CCDC3: variants seen among roughly 807,000 people sequenced by gnomAD.
CCDC3 encodes the protein coiled-coil domain containing 3.
CCDC3 carries 24 observed loss-of-function variants against 21.4 expected under a neutral mutation model. The ratio of observed to expected loss-of-function variants is 1.12; its 90% CI spans 0.81 to 1.58. The LOEUF is 1.58. Ranked by LOEUF, CCDC3 falls within the 40% of genes most tolerant of loss-of-function variation. CCDC3 has a pLI of 0.00. For missense variants in CCDC3, 425 were observed against 360.9 expected (o/e 1.18, Z -1.44); for synonymous variants, 186 against 166.0 (o/e 1.12, Z -0.93).
Position 13,000,888 on chromosome 10 carries a change from T to C in CCDC3, c.374+309A>G, listed in dbSNP as rs978263461. The stretch of plus-strand genomic sequence containing the variant: ...CCCAATCTACTCCCACTGAGGCCAG[T>C]TTAAAAACCCAAGTCAAAGGGACTG... On this transcript the variant is annotated intron_variant, in intron 1 of 2. Transcript: ENST00000378825. 3.3e-5 allele frequency among the ~76,000 whole-genome samples: 5 copies of C among 152,118 alleles called. No individual in the cohort carries two copies. The East Asian group carries it at 5.8e-4, about 18-fold the overall frequency.
At chr10:13,047,691 G>A (rs753382581) in intron 5 of CCDC3, among the ~76,000 whole-genome samples, 2 of 152,090 alleles carry the variant, frequency 1.3e-5, no homozygotes, top group Non-Finnish European at 2.9e-5. Context: ...ATCTCCATCC[G>A]TGCCCTCCCT....
intron 2 of CCDC3, among the ~76,000 whole-genome samples, chr10:12,987,481 A>G (rs1227201103): frequency 6.6e-6 from 1 of 152,128 alleles, no homozygotes; most frequent in East Asian, 1.9e-4. Context: ...ATATGGATAA[A>G]CCACAGTAGG....
At chr10:13,096,806 T>C (rs1370462832) in intron 3 of CCDC3, among the ~76,000 whole-genome samples, 1 of 152,168 alleles carries the variant, frequency 6.6e-6, no homozygotes, top group South Asian at 2.1e-4. Context: ...GCTTGAGTCC[T>C]TGATGCTCAT....
At chr10:13,042,184 G>A (rs1836466207) in intron 5 of CCDC3, among the ~76,000 whole-genome samples, 1 of 152,246 alleles carries the variant, frequency 6.6e-6, no homozygotes. Context: ...AATCCTCTGA[G>A]CTCCAATTTC....
chr10:12,908,636 G>A (rs1217643979), intron 2 of CCDC3, among the ~76,000 whole-genome samples: 1 of 143,938 alleles, frequency 6.9e-6, no homozygotes, highest in Non-Finnish European at 1.5e-5. Context: ...TTGAGACAGA[G>A]TTTCCCTCTG....
intron 5 of CCDC3, among the ~76,000 whole-genome samples, chr10:13,011,458 T>C (rs1835983228): frequency 1.3e-5 from 2 of 151,878 alleles, no homozygotes; most frequent in South Asian, 2.1e-4. Context: ...AAGAATACAA[T>C]ACCTAGGAAT....
chr10:12,944,530 C>T (rs1373830466), intron 2 of CCDC3, among the ~76,000 whole-genome samples: 3 of 152,150 alleles, frequency 2.0e-5, no homozygotes, highest in African/African-American at 7.2e-5. Context: ...TATGTCTTTG[C>T]CTGCAATGTC....
intron 2 of CCDC3, among the ~76,000 whole-genome samples, chr10:12,976,600 G>T (rs181812503): frequency 1.4e-3 from 216 of 152,312 alleles, no homozygotes; most frequent in African/African-American, 3.8e-3. Flanking sequence ...TTCACACACG[G>T]TATCGTTACA....
chr10:12,908,647 T>A (rs545257300), intron 2 of CCDC3, among the ~76,000 whole-genome samples: 1 of 150,552 alleles, frequency 6.6e-6, no homozygotes, highest in African/African-American at 2.5e-5. Context: ...TTTCCCTCTG[T>A]TGCCTATGCT....
chr10:13,035,129 G>A (rs948173706), intron 5 of CCDC3, among the ~76,000 whole-genome samples: 5 of 152,076 alleles, frequency 3.3e-5, no homozygotes, highest in Non-Finnish European at 7.3e-5. Flanking sequence ...GGATACCCAG[G>A]TAGAGAACAC....
chr10:13,079,347 A>C (rs1281105878), intron 3 of CCDC3, among the ~76,000 whole-genome samples: 1 of 152,210 alleles, frequency 6.6e-6, no homozygotes, highest in Non-Finnish European at 1.5e-5. Flanking sequence ...GCAACGCAGA[A>C]GGAAACTGGC....
At chr10:13,091,892 T>C (rs927302913) in intron 3 of CCDC3, among the ~76,000 whole-genome samples, 8 of 151,098 alleles carry the variant, frequency 5.3e-5, no homozygotes, top group Admixed American at 2.6e-4. Context: ...AAGGTTTTTA[T>C]TGCAGAATTA....
At chr10:13,078,726 T>C (rs184282223) in intron 3 of CCDC3, among the ~76,000 whole-genome samples, 3,143 of 152,216 alleles carry the variant, frequency 0.021, 99 homozygotes, top group African/African-American at 0.072. Flanking sequence ...TGGATGAAGC[T>C]GGAAACCACC....
chr10:13,016,894 G>A (rs1319442804), intron 5 of CCDC3, among the ~76,000 whole-genome samples: 1 of 152,030 alleles, frequency 6.6e-6, no homozygotes, highest in Non-Finnish European at 1.5e-5. Context: ...CCAGTGTGGG[G>A]ACTAATATTT....
chr10:13,008,951 A>G (rs1564318474), intron 5 of CCDC3, among the ~76,000 whole-genome samples: 8 of 152,212 alleles, frequency 5.3e-5, no homozygotes, highest in Admixed American at 4.6e-4. Context: ...TCCATAAAAT[A>G]AAATAAAAAG....
chr10:13,014,996 T>A (rs1836035486), intron 5 of CCDC3, among the ~76,000 whole-genome samples: 1 of 151,996 alleles, frequency 6.6e-6, no homozygotes, highest in South Asian at 2.1e-4. Flanking sequence ...AGGGAGTGAT[T>A]TGTAAATTGT....
chr10:12,968,202 T>TACACACACACACAC (rs71386134), intron 2 of CCDC3, among the ~76,000 whole-genome samples: 32,996 of 142,652 alleles, frequency 0.23, 4,334 homozygotes, highest in Middle Eastern at 0.37. Context: ...CACACACACA[T>TACACACACACACAC]ACACACACAC....
intron 2 of CCDC3, among the ~76,000 whole-genome samples, chr10:12,959,943 C>T (rs1457827221): frequency 6.6e-6 from 1 of 152,190 alleles, no homozygotes; most frequent in Non-Finnish European, 1.5e-5. Flanking sequence ...AATTTGAGGT[C>T]AAGAATTCAA....
chr10:12,929,550 G>A (rs1464233100), intron 2 of CCDC3, among the ~76,000 whole-genome samples: 1 of 152,134 alleles, frequency 6.6e-6, no homozygotes, highest in Non-Finnish European at 1.5e-5. Context: ...ATATGGGTTA[G>A]AGTCCACAGG....
Sources: gnomAD v4.1 joint callset for allele counts (sites outside exome capture counted in the v4.1 genomes callset) on GRCh38, gnomAD v4.1.1 for gene constraint, MANE v1.5 for transcripts, NCBI Gene and HGNC (gene_info 2026-07-23, HGNC 2026-07-21) for gene names.